Variants in LHFPL3 observed in about 807,000 individuals in gnomAD.
LHFPL3 encodes the protein LHFPL tetraspan subfamily member 3.
A neutral mutation model predicts 19.3 loss-of-function variants in LHFPL3; 5 were observed. The observed-to-expected ratio is 0.26, with a 90% CI of 0.14 to 0.54. The LOEUF (loss-of-function observed/expected upper bound fraction) is 0.54. Ranked by LOEUF, LHFPL3 falls within the 20% of genes least tolerant of loss-of-function variation. LHFPL3 has a pLI of 0.94. For missense variants in LHFPL3, 249 were observed against 307.4 expected (o/e 0.81, Z 1.42); for synonymous variants, 133 against 126.2 (o/e 1.05, Z -0.36).
At chr7:104,703,749 C>T (rs563548058) in intron 1 of LHFPL3, among the ~76,000 whole-genome samples, 29 of 152,206 alleles carry the variant, frequency 1.9e-4, no homozygotes, top group African/African-American at 6.7e-4. Flanking sequence ...TTATTTCTTT[C>T]ATTTATTTTA....
intron 1 of LHFPL3, among the ~76,000 whole-genome samples, chr7:104,566,778 C>G (rs557069330): frequency 6.6e-6 from 1 of 152,156 alleles, no homozygotes; most frequent in East Asian, 1.9e-4. Context: ...TGAGCTAGCC[C>G]CCTTTTGTGC....
intron 1 of LHFPL3, among the ~76,000 whole-genome samples, chr7:104,447,610 A>T (rs914637123): frequency 6.6e-6 from 1 of 151,940 alleles, no homozygotes; most frequent in Non-Finnish European, 1.5e-5. Flanking sequence ...TTTGTTTTGG[A>T]TCTCAGTAGT....
At chr7:104,434,962 A>G (rs1208416610) in intron 1 of LHFPL3, among the ~76,000 whole-genome samples, 1 of 152,054 alleles carries the variant, frequency 6.6e-6, no homozygotes. Flanking sequence ...ATTTTCCATT[A>G]TTTTTAAGTA....
At chr7:104,667,989 C>T (rs1792390903) in intron 1 of LHFPL3, 5 of 1,613,374 alleles carry the variant, frequency 3.1e-6, no homozygotes, top group South Asian at 1.1e-5. Context: ...ACGGGCTGCT[C>T]GGGAACCCAA....
intron 2 of LHFPL3, among the ~76,000 whole-genome samples, chr7:104,874,677 G>C (rs1791903848): frequency 6.6e-6 from 1 of 151,784 alleles, no homozygotes; most frequent in Non-Finnish European, 1.5e-5. Flanking sequence ...CCAAAGTGCT[G>C]GGATTACAGG....
intron 1 of LHFPL3, among the ~76,000 whole-genome samples, chr7:104,705,748 C>T (rs1176951083): frequency 6.6e-6 from 1 of 152,174 alleles, no homozygotes; most frequent in Non-Finnish European, 1.5e-5. Context: ...TGTCAGTCCC[C>T]ACACTGAGGC....
intron 1 of LHFPL3, among the ~76,000 whole-genome samples, chr7:104,409,583 T>C (rs899403017): frequency 2.0e-5 from 3 of 151,878 alleles, no homozygotes; most frequent in East Asian, 3.9e-4. Flanking sequence ...GCCACTGCAC[T>C]CCAGCCTAGG....
intron 1 of LHFPL3, among the ~76,000 whole-genome samples, chr7:104,392,140 A>G (rs879769642): frequency 9.9e-5 from 15 of 152,154 alleles, no homozygotes; most frequent in Non-Finnish European, 1.9e-4. Flanking sequence ...AACAGGGACA[A>G]TTTGACTTCC....
At chr7:104,719,999 A>C (rs1455627242) in intron 1 of LHFPL3, among the ~76,000 whole-genome samples, 1 of 152,154 alleles carries the variant, frequency 6.6e-6, no homozygotes, top group Non-Finnish European at 1.5e-5. Flanking sequence ...ACTGAGAGCG[A>C]TGGAGGAAGA....
chr7:104,554,072 C>A (rs1794712092), intron 1 of LHFPL3, among the ~76,000 whole-genome samples: 1 of 152,112 alleles, frequency 6.6e-6, no homozygotes, highest in Non-Finnish European at 1.5e-5. Flanking sequence ...AACTTCCGAT[C>A]TTTTGTACAC....
At chr7:104,835,396 C>G (rs770591260) in intron 2 of LHFPL3, among the ~76,000 whole-genome samples, 3 of 151,872 alleles carry the variant, frequency 2.0e-5, no homozygotes, top group Non-Finnish European at 4.4e-5. Flanking sequence ...CTAGGAGATT[C>G]TCTGTAGGCA....
At chr7:104,832,623 TC>T (rs1194986350) in intron 2 of LHFPL3, among the ~76,000 whole-genome samples, 1 of 20,872 alleles carries the variant, frequency 4.8e-5, no homozygotes, top group Non-Finnish European at 1.0e-4. Flanking sequence ...CTTTTTTCCT[TC>T]TTTTTTTTTT....
At chr7:104,872,388 T>C (rs1430741672) in intron 2 of LHFPL3, among the ~76,000 whole-genome samples, 1 of 151,596 alleles carries the variant, frequency 6.6e-6, no homozygotes, top group Non-Finnish European at 1.5e-5. Flanking sequence ...CTCACGCCTG[T>C]AATCCCCACA....
intron 2 of LHFPL3, among the ~76,000 whole-genome samples, chr7:104,874,169 A>G (rs1791889918): frequency 6.6e-6 from 1 of 152,244 alleles, no homozygotes; most frequent in South Asian, 2.1e-4. Flanking sequence ...TGTTCAAAAT[A>G]TTAACCTCAC....
At chr7:104,432,011 T>C (rs773657464) in intron 1 of LHFPL3, among the ~76,000 whole-genome samples, 1 of 152,132 alleles carries the variant, frequency 6.6e-6, no homozygotes, top group Non-Finnish European at 1.5e-5. Flanking sequence ...GCCTAATATT[T>C]AATATCATAC....
At chr7:104,482,769 A>G (rs1286205802) in intron 1 of LHFPL3, among the ~76,000 whole-genome samples, 2 of 152,210 alleles carry the variant, frequency 1.3e-5, no homozygotes. Context: ...CCAGTGTGCC[A>G]TATGCCACCT....
At chr7:104,587,947 G>A (rs1355712115) in intron 1 of LHFPL3, among the ~76,000 whole-genome samples, 3 of 152,248 alleles carry the variant, frequency 2.0e-5, no homozygotes, top group Non-Finnish European at 4.4e-5. Context: ...CATATCTTTT[G>A]CCCACTTGTT....
At chr7:104,690,169 A>T (rs1290604247) in intron 1 of LHFPL3, among the ~76,000 whole-genome samples, 1 of 152,280 alleles carries the variant, frequency 6.6e-6, no homozygotes, top group Non-Finnish European at 1.5e-5. Flanking sequence ...ATCTTGGAGA[A>T]CGACAGTGGG....
At chr7:104,486,995 G>C (rs182806155) in intron 1 of LHFPL3, among the ~76,000 whole-genome samples, 18 of 151,898 alleles carry the variant, frequency 1.2e-4, no homozygotes, top group African/African-American at 4.3e-4. Context: ...AATCATTTTG[G>C]ATATGTTTCA....
Sources: allele counts gnomAD v4.1 joint callset (sites outside exome capture counted in the v4.1 genomes callset), GRCh38; gene constraint gnomAD v4.1.1; transcripts MANE v1.5; gene names NCBI Gene and HGNC (gene_info 2026-07-23, HGNC 2026-07-21).